DHX30: variants seen among roughly 807,000 people sequenced by gnomAD.
The protein encoded by DHX30 is DExH-box helicase 30.
DHX30 carries 4 observed loss-of-function variants against 116.9 expected under a neutral mutation model. The ratio of observed to expected loss-of-function variants is 0.03; its 90% CI spans 0.02 to 0.08. DHX30 has a LOEUF of 0.08. DHX30 is among the 10% of genes least tolerant of loss of function. DHX30 has a pLI of 1.00. For missense variants in DHX30, 871 were observed against 1,595.1 expected (o/e 0.55, Z 7.73); for synonymous variants, 697 against 651.7 (o/e 1.07, Z -1.06).
chr3:47,825,165 C>G, intron 4 of DHX30: 1 of 669,062 alleles, frequency 1.5e-6, no homozygotes, highest in Non-Finnish European at 2.7e-6. Context: ...GCGCCCACCC[C>G]GACCACACCA....
chr3:47,838,848 C>T (rs1227365725), intron 6 of DHX30, among the ~76,000 whole-genome samples: 1 of 152,180 alleles, frequency 6.6e-6, no homozygotes, highest in South Asian at 2.1e-4. Flanking sequence ...CTGCATTTCT[C>T]TTCTGCTGCT....
intron 9 of DHX30, among the ~76,000 whole-genome samples, chr3:47,844,654 G>A (rs906235687): frequency 1.3e-5 from 2 of 152,248 alleles, no homozygotes; most frequent in Non-Finnish European, 2.9e-5. Context: ...TCTTTAAGGA[G>A]GGAGTGTTTG....
At chr3:47,815,535 C>T (rs2036011244) in intron 3 of DHX30, among the ~76,000 whole-genome samples, 1 of 152,040 alleles carries the variant, frequency 6.6e-6, no homozygotes, top group Non-Finnish European at 1.5e-5. Flanking sequence ...TGGTGGCCCA[C>T]TGGGTCTTGT....
chr3:47,849,803 C>G (rs777330558), intron 21 of DHX30, 34 bp downstream of exon 21: 3 of 1,607,936 alleles, frequency 1.9e-6, no homozygotes, highest in Non-Finnish European at 1.7e-6. Flanking sequence ...CCACCCCGCT[C>G]TGCAGCTGCT....
At chr3:47,843,563 T>C (rs2037471566) in intron 9 of DHX30, among the ~76,000 whole-genome samples, 1 of 152,214 alleles carries the variant, frequency 6.6e-6, no homozygotes, top group Non-Finnish European at 1.5e-5. Context: ...GAGCCGGGCC[T>C]GTTTTGAGAG....
In DHX30 at chr3:47,848,855, G is replaced by A. The variant is rs374576556; in HGVS notation, c.2769+38G>A. Reference sequence around the variant, plus strand: ...TCCTTCCTGGAGCCGTCCACCCACTGCTGTTCTGAGGGGGCGTTGTCTAGC... The same window carrying A: ...TCCTTCCTGGAGCCGTCCACCCACTACTGTTCTGAGGGGGCGTTGTCTAGC... On this transcript the variant is annotated intron_variant, in intron 17 of 21. Coordinates refer to ENST00000445061, the MANE Select transcript of DHX30 (RefSeq NM_138615.3). The surrounding 1 kb of genome is among the most constrained non-coding windows in gnomAD (Gnocchi z 9.4). 6.2e-7 allele frequency: 1 copy of A among 1,600,898 alleles called. No homozygotes were observed. The highest frequency in any genetic ancestry group is 1.3e-5 in the African/African-American group (1 of 74,690).
chr3:47,819,352 C>T, intron 4 of DHX30: 2 of 1,220,182 alleles, frequency 1.6e-6, no homozygotes, highest in Admixed American at 3.8e-5. Flanking sequence ...TAGGCAGTGC[C>T]TTCTTGAGCA....
At chr3:47,833,537 CAAAAAAAAAA>C (rs71070236) in intron 6 of DHX30, among the ~76,000 whole-genome samples, 2 of 62,436 alleles carry the variant, frequency 3.2e-5, no homozygotes, top group East Asian at 4.9e-4. Context: ...CTCTCTCTCT[CAAAAAAAAAA>C]AAAAAAAAAA....
At chr3:47,830,542 C>T (rs931703460) in intron 6 of DHX30, among the ~76,000 whole-genome samples, 1 of 152,076 alleles carries the variant, frequency 6.6e-6, no homozygotes, top group Non-Finnish European at 1.5e-5. Context: ...CTCAAACAGT[C>T]CTCCTGCCTC....
chr3:47,816,905 A>G (rs1358035627), intron 3 of DHX30: 1 of 923,224 alleles, frequency 1.1e-6, no homozygotes, highest in African/African-American at 3.0e-5. Context: ...AGGTATAGGC[A>G]CTCAATTTTA....
intron 3 of DHX30, chr3:47,816,737 G>A: frequency 1.0e-6 from 1 of 985,562 alleles, no homozygotes; most frequent in Non-Finnish European, 1.2e-6. Context: ...CAGCCACTGT[G>A]GTGAAGGAGT....
intron 9 of DHX30, 22 bp downstream of exon 9, chr3:47,843,277 G>T (rs1315948114): frequency 1.2e-6 from 2 of 1,613,796 alleles, no homozygotes; most frequent in African/African-American, 2.7e-5. Context: ...AAGGTCCTGG[G>T]TGTGGTGCAT....
chr3:47,829,306 A>ATT (rs2036705811), intron 6 of DHX30, among the ~76,000 whole-genome samples, 172 bp downstream of exon 6: 1 of 33,454 alleles, frequency 3.0e-5, no homozygotes, highest in Admixed American at 4.5e-4. Context: ...ATATATATAT[A>ATT]TATATATATT....
Position 47,847,236 on chromosome 3 carries a change from C to G in DHX30, c.1930-37C>G. The G allele has an allele frequency of 6.2e-7, 1 of 1,613,566 alleles. No homozygotes were observed. Among genetic ancestry groups the G allele is most frequent in the African/African-American group, 1.3e-5 (1 of 75,052 alleles). On this transcript the variant is annotated intron_variant, in intron 11 of 21. Transcript: ENST00000445061. This position sits in a 1 kb window ranked among gnomAD's most constrained non-coding sequence, Gnocchi z 5.5. ...GTGTCCTTGGCATGACCCCTTACCC[C>G]GGGGCTGTGACTGTGGCCTCTCTTC...
At position 47,840,287 on chromosome 3, in the gene DHX30, G is replaced by A. The variant is rs371005723; in HGVS notation, c.367-590G>A. Among the ~76,000 whole-genome samples the A allele has an allele frequency of 3.9e-3, 595 of 150,770 alleles. 5 individuals carry two copies. The highest frequency in any genetic ancestry group is 0.013 in the African/African-American group (536 of 41,182). On this transcript the variant is annotated intron_variant, in intron 6 of 21. Coordinates refer to ENST00000445061, the MANE Select transcript of DHX30 (RefSeq NM_138615.3). ...GCTGGGATTACAGGTGTGAGCCACCGCACCCGGCCCTACGTACTTTTTAAT... is the reference window on the plus strand; with the variant it reads ...GCTGGGATTACAGGTGTGAGCCACCACACCCGGCCCTACGTACTTTTTAAT...
At chr3:47,836,906 C>A (rs2037143628) in intron 6 of DHX30, among the ~76,000 whole-genome samples, 1 of 152,130 alleles carries the variant, frequency 6.6e-6, no homozygotes, top group Non-Finnish European at 1.5e-5. Flanking sequence ...TAGAACTCAG[C>A]CTTTTATTCT....
intron 4 of DHX30, chr3:47,824,902 G>T (rs573956055): frequency 6.3e-6 from 3 of 476,266 alleles, no homozygotes; most frequent in Non-Finnish European, 1.1e-5. Flanking sequence ...GAGCGAGGAC[G>T]GGCTGCTGAT....
At chr3:47,820,693 C>T (rs938249178) in intron 4 of DHX30, among the ~76,000 whole-genome samples, 2 of 152,140 alleles carry the variant, frequency 1.3e-5, no homozygotes, top group African/African-American at 4.8e-5. Context: ...CGCCTTAATT[C>T]TGTGCTGCTA....
Position 47,849,411 on chromosome 3 carries a change from C to T in DHX30, c.3088-40C>T, listed in dbSNP as rs766503148. On this transcript the variant is annotated intron_variant, in intron 19 of 21. Transcript: ENST00000445061. ...CCAGCCTCCTTCCCTGTCTGCAGCT[C>T]CTTGCTCAGCCCCACCCGTCTTTTC... is the stretch of plus-strand genomic sequence containing the variant. 8 of 1,576,630 alleles carry T rather than the reference C, an allele frequency of 5.1e-6. No homozygotes were observed. In the East Asian group the frequency reaches 1.8e-4, roughly 35 times the overall value.
Sources: gnomAD v4.1 joint callset for allele counts (sites outside exome capture counted in the v4.1 genomes callset) on GRCh38, gnomAD v4.1.1 for gene constraint, Gnocchi (gnomAD v3.1) non-coding constraint, MANE v1.5 for transcripts, NCBI Gene and HGNC (gene_info 2026-07-23, HGNC 2026-07-21) for gene names.